The following ZDHHC14 variants were observed in gnomAD, a reference collection of about 807,000 sequenced individuals.
ZDHHC14 encodes the protein zDHHC palmitoyltransferase 14.
Under a neutral mutation model 47.7 loss-of-function variants are expected in ZDHHC14, and 16 were observed. The ratio of observed to expected loss-of-function variants is 0.34; its 90% CI spans 0.23 to 0.51. The LOEUF (loss-of-function observed/expected upper bound fraction) is 0.51, where lower values mean the gene tolerates loss of function less well. Among genes scored for constraint, ZDHHC14 ranks in the 20% least tolerant of loss-of-function variants. The pLI is 0.97. For missense variants in ZDHHC14, 515 were observed against 662.5 expected (o/e 0.78, Z 2.44); for synonymous variants, 293 against 278.9 (o/e 1.05, Z -0.50).
chr6:157,523,850 G>A (rs373491472), intron 1 of ZDHHC14, among the ~76,000 whole-genome samples: 1 of 152,272 alleles, frequency 6.6e-6, no homozygotes, highest in Admixed American at 6.5e-5. Context: ...GCAGTGGGCC[G>A]TGATCTCACC....
intron 1 of ZDHHC14, among the ~76,000 whole-genome samples, chr6:157,478,316 T>A (rs1291888861): frequency 1.3e-5 from 2 of 152,232 alleles, no homozygotes; most frequent in Admixed American, 1.3e-4. Context: ...AAATGAGCAG[T>A]CACAAATCCT....
Position 157,652,195 on chromosome 6 carries a change from G to A in ZDHHC14, c.966-1330G>A, listed in dbSNP as rs1210676676. 2.0e-5 allele frequency among the ~76,000 whole-genome samples: 3 copies of A among 152,110 alleles called. 1 individual carries two copies. The highest frequency in any genetic ancestry group is 6.3e-3 in the Middle Eastern group (2 of 316). On this transcript the variant is annotated intron_variant, in intron 7 of 8. Coordinates refer to ENST00000359775, the MANE Select transcript of ZDHHC14 (RefSeq NM_024630.3). ...AACTGAGGCAGAGAGTCCCATTTGAGGATCCCGTCACAAGTGGTTTTTCTG... is the reference window on the plus strand; with the variant it reads ...AACTGAGGCAGAGAGTCCCATTTGAAGATCCCGTCACAAGTGGTTTTTCTG...
Position 157,542,710 on chromosome 6 carries a change from C to T in ZDHHC14, c.371C>T (p.Thr124Met), listed in dbSNP as rs762913958. The change falls in exon 2 of 9, where the codon ACG becomes ATG. Residue 124 changes from threonine (T) to methionine (M), a missense_variant. Physicochemically the swap from Thr to Met is moderately conservative, Grantham distance 81. Around this residue, in one of 4 missense-constraint regions of ZDHHC14, gnomAD observed 229 missense variants for 351.5 expected, o/e 0.65. Coordinates refer to ENST00000359775, the MANE Select transcript of ZDHHC14 (RefSeq NM_024630.3). The part of the protein sequence containing the change: ...FSDPGVLPRA[T>M]PDEAADLERQ... ...GACCCCGGAGTCCTCCCACGAGCCA[C>T]GCCTGATGAAGCCGCCGATCTGGAA... The T allele has an allele frequency of 6.2e-7, 1 of 1,613,952 alleles. No homozygotes were observed. Among genetic ancestry groups the T allele is most frequent in the Admixed American group, 1.7e-5 (1 of 60,026 alleles).
In ZDHHC14 at chr6:157,542,690, C is replaced by G. The variant is rs780747567; in HGVS notation, c.351C>G (p.Pro117=). ...TGCTCCGCACCAGCTTCAGCGACCC[C>G]GGAGTCCTCCCACGAGCCACGCCTG... ...GTLLRTSFSD[P]GVLPRATPDE... is the part of the protein sequence containing the mutation. Residue 117 remains proline (P), a synonymous_variant, in exon 2 of 9, where the codon CCC becomes CCG. Coordinates refer to ENST00000359775, the MANE Select transcript of ZDHHC14 (RefSeq NM_024630.3). 1 of 1,614,028 alleles carries G rather than the reference C, an allele frequency of 6.2e-7. No individual in the cohort carries two copies.
chr6:157,476,091 G>T (rs775562703), intron 1 of ZDHHC14, among the ~76,000 whole-genome samples: 11 of 151,818 alleles, frequency 7.2e-5, no homozygotes, highest in Non-Finnish European at 1.2e-4. Context: ...TAGAAGGAAA[G>T]AAATAATAGA....
At chr6:157,596,800 C>T (rs1784151963) in intron 3 of ZDHHC14, among the ~76,000 whole-genome samples, 1 of 152,176 alleles carries the variant, frequency 6.6e-6, no homozygotes, top group Admixed American at 6.5e-5. Flanking sequence ...CTGCGGCACA[C>T]TGAGGGGCCA....
chr6:157,647,494 G>T, intron 7 of ZDHHC14, 126 bp downstream of exon 7: 1 of 604,814 alleles, frequency 1.7e-6, no homozygotes, highest in Non-Finnish European at 2.9e-6. Flanking sequence ...TGTGCCGCGT[G>T]GATGTGGCCT....
At chr6:157,567,311 C>T (rs2114850965) in intron 2 of ZDHHC14, among the ~76,000 whole-genome samples, 1 of 152,270 alleles carries the variant, frequency 6.6e-6, no homozygotes, top group East Asian at 1.9e-4. Context: ...GGAGCCCCAT[C>T]TGACTGCCGT....
At chr6:157,588,569 C>G (rs1207648485) in intron 2 of ZDHHC14, among the ~76,000 whole-genome samples, 1 of 152,228 alleles carries the variant, frequency 6.6e-6, no homozygotes, top group African/African-American at 2.4e-5. Context: ...GTGACAGCAG[C>G]CCTGCTTGGG....
intron 1 of ZDHHC14, among the ~76,000 whole-genome samples, chr6:157,413,129 G>A (rs1777904784): frequency 6.6e-6 from 1 of 152,194 alleles, no homozygotes; most frequent in Non-Finnish European, 1.5e-5. Context: ...AGCGTCTAAA[G>A]TGCCAAGAAC....
At chr6:157,640,025 C>T (rs762268752) in intron 5 of ZDHHC14, among the ~76,000 whole-genome samples, 3 of 152,120 alleles carry the variant, frequency 2.0e-5, no homozygotes, top group Non-Finnish European at 4.4e-5. Flanking sequence ...CTGTCAGGTG[C>T]CTGTCCGGGA....
intron 2 of ZDHHC14, among the ~76,000 whole-genome samples, chr6:157,583,333 A>T (rs1272589355): frequency 6.6e-6 from 1 of 152,082 alleles, no homozygotes; most frequent in Non-Finnish European, 1.5e-5. Flanking sequence ...GCTCTTTCTC[A>T]TCTGTGTGGG....
intron 1 of ZDHHC14, among the ~76,000 whole-genome samples, chr6:157,487,193 TGTGA>T (rs1779802086): frequency 1.3e-5 from 2 of 151,942 alleles, no homozygotes; most frequent in African/African-American, 4.8e-5. Flanking sequence ...TTGCCGGGAG[TGTGA>T]GTATCATCCT....
chr6:157,540,809 C>T (rs1053390079), intron 1 of ZDHHC14, among the ~76,000 whole-genome samples: 2 of 150,914 alleles, frequency 1.3e-5, no homozygotes, highest in African/African-American at 4.9e-5. Context: ...AAAAATTCCC[C>T]CTAAAGTAGA....
At chr6:157,394,031 A>G (rs897746869) in intron 1 of ZDHHC14, among the ~76,000 whole-genome samples, 1 of 152,146 alleles carries the variant, frequency 6.6e-6, no homozygotes, top group Non-Finnish European at 1.5e-5. Flanking sequence ...CCCAGAAAGC[A>G]AGTCATTGAA....
intron 1 of ZDHHC14, among the ~76,000 whole-genome samples, chr6:157,506,626 A>G (rs1250632542): frequency 6.6e-6 from 1 of 152,184 alleles, no homozygotes; most frequent in Non-Finnish European, 1.5e-5. Flanking sequence ...TTTATTTATT[A>G]ATTTGCTTCT....
intron 2 of ZDHHC14, among the ~76,000 whole-genome samples, chr6:157,556,555 G>A (rs35549839): frequency 0.27 from 41,391 of 152,124 alleles, 5,749 homozygotes; most frequent in East Asian, 0.41. Flanking sequence ...AGCTCCTGTC[G>A]CCAGCAGGCG....
chr6:157,494,510 G>A (rs1409573432), intron 1 of ZDHHC14, among the ~76,000 whole-genome samples: 1 of 152,200 alleles, frequency 6.6e-6, no homozygotes, highest in Non-Finnish European at 1.5e-5. Flanking sequence ...GGGCAGCCAG[G>A]AAACAACATG....
rs201290222 is a variant in ZDHHC14 at position 157,626,011 on chromosome 6, C to T, written c.566-2338C>T. 1.1e-4 allele frequency among the ~76,000 whole-genome samples: 17 copies of T among 152,124 alleles called. No individual in the cohort carries two copies. In the East Asian group the frequency reaches 2.3e-3, roughly 21 times the overall value. ...TTCATTTCAGTAGTTACTCTGCCTC[C>T]GTCGGGAAAGCACAGTGTCACAGCT... On this transcript the variant is annotated intron_variant, in intron 3 of 8. Coordinates refer to ENST00000359775, the MANE Select transcript of ZDHHC14 (RefSeq NM_024630.3).
Sources: allele counts gnomAD v4.1 joint callset (sites outside exome capture counted in the v4.1 genomes callset), GRCh38; gene constraint gnomAD v4.1.1; regional missense constraint gnomAD v4.1.1; transcripts MANE v1.5; gene names NCBI Gene and HGNC (gene_info 2026-07-23, HGNC 2026-07-21).